The following LRP2 variants were observed in gnomAD, a reference collection of about 807,000 sequenced individuals.
LRP2 encodes low-density lipoprotein receptor-related protein 2.
Under a neutral mutation model 531.0 loss-of-function variants are expected in LRP2, and 172 were observed. The observed-to-expected ratio is 0.32, with a 90% confidence interval of 0.29 to 0.37. The LOEUF (loss-of-function observed/expected upper bound fraction) is 0.37, where lower values mean the gene tolerates loss of function less well. LRP2 is among the 10% of genes least tolerant of loss of function. The probability of loss-of-function intolerance (pLI) is 1.00; values close to 1 mark genes in which losing one functional copy is unlikely to be tolerated. For missense variants in LRP2, 5,167 were observed against 5,868.3 expected (o/e 0.88, Z 3.90); for synonymous variants, 1,992 against 2,027.6 (o/e 0.98, Z 0.47).
At chr2:169,134,306 G>T (rs577068615) in intron 76 of LRP2, among the ~76,000 whole-genome samples, 1 of 151,948 alleles carries the variant, frequency 6.6e-6, no homozygotes, top group Non-Finnish European at 1.5e-5. Flanking sequence ...CCCACCTGAC[G>T]CATATACTGT....
At chr2:169,348,445 A>T (rs911875653) in intron 1 of LRP2, among the ~76,000 whole-genome samples, 4 of 152,034 alleles carry the variant, frequency 2.6e-5, no homozygotes, top group African/African-American at 9.7e-5. Flanking sequence ...TCCTGACTTG[A>T]CATGTGATGT....
At chr2:169,326,108 T>C (rs1175169953) in intron 1 of LRP2, among the ~76,000 whole-genome samples, 1 of 140,314 alleles carries the variant, frequency 7.1e-6, no homozygotes, top group Non-Finnish European at 1.5e-5. Context: ...AAAAGAAAAA[T>C]AAGATATGGT....
At chr2:169,195,190 G>C (rs1247357852) in intron 46 of LRP2, among the ~76,000 whole-genome samples, 2 of 152,130 alleles carry the variant, frequency 1.3e-5, no homozygotes, top group African/African-American at 4.8e-5. Flanking sequence ...AAAATACATG[G>C]ACCATTCGCA....
chr2:169,342,410 C>G (rs1189835226), intron 1 of LRP2, among the ~76,000 whole-genome samples: 1 of 152,154 alleles, frequency 6.6e-6, no homozygotes, highest in Non-Finnish European at 1.5e-5. Context: ...TAGTTCTACC[C>G]TCATCATCTG....
chr2:169,353,076 C>G (rs912637493), intron 1 of LRP2, among the ~76,000 whole-genome samples: 1 of 151,994 alleles, frequency 6.6e-6, no homozygotes, highest in Non-Finnish European at 1.5e-5. Flanking sequence ...TTTTCATACC[C>G]CTGCTTTAGT....
In LRP2 at chr2:169,203,499, G is replaced by A. The variant is rs369402938; in HGVS notation, c.8005+483C>T. 3.0e-3 allele frequency among the ~76,000 whole-genome samples: 454 copies of A among 152,260 alleles called. 3 individuals carry two copies. Among genetic ancestry groups the A allele is most frequent in the African/African-American group, 1.0e-2 (414 of 41,552 alleles). Reference sequence around the variant, plus strand: ...TCATAGGCTGAGTGCTGTGGCTCACGCCTGTAATCCCAGCATTTTGGGAGG... The same window carrying A: ...TCATAGGCTGAGTGCTGTGGCTCACACCTGTAATCCCAGCATTTTGGGAGG... On this transcript the variant is annotated intron_variant, in intron 42 of 78. Transcript: ENST00000649046.
intron 16 of LRP2, among the ~76,000 whole-genome samples, chr2:169,266,192 G>T (rs1299293411): frequency 6.6e-6 from 1 of 151,910 alleles, no homozygotes; most frequent in East Asian, 1.9e-4. Flanking sequence ...GGGGAGGGAA[G>T]TCAGAAGCTG....
At chr2:169,208,542 C>T (rs1688478895) in intron 38 of LRP2, among the ~76,000 whole-genome samples, 1 of 152,120 alleles carries the variant, frequency 6.6e-6, no homozygotes, top group Admixed American at 6.5e-5. Context: ...CTGCAACCTC[C>T]ACCTCCCGGC....
At chr2:169,192,364 A>T (rs767017426) in intron 47 of LRP2, among the ~76,000 whole-genome samples, 8 of 152,158 alleles carry the variant, frequency 5.3e-5, no homozygotes, top group Non-Finnish European at 1.0e-4. Flanking sequence ...CGAATGCCTT[A>T]TATTTTGGTA....
intron 51 of LRP2, among the ~76,000 whole-genome samples, 163 bp downstream of exon 51, chr2:169,182,004 C>A (rs1275393781): frequency 6.6e-6 from 1 of 152,104 alleles, no homozygotes; most frequent in East Asian, 1.9e-4. Context: ...TTTGAAGAAG[C>A]CATGCTTCTA....
At chr2:169,196,007 C>G (rs1687990626) in intron 46 of LRP2, among the ~76,000 whole-genome samples, 1 of 152,160 alleles carries the variant, frequency 6.6e-6, no homozygotes, top group Non-Finnish European at 1.5e-5. Context: ...CAACCTAATG[C>G]TTAATAATAG....
intron 63 of LRP2, 79 bp from the exon 64 acceptor site, chr2:169,157,581 C>T (rs1052970406): frequency 7.1e-5 from 108 of 1,520,650 alleles, no homozygotes; most frequent in Middle Eastern, 4.2e-4. Context: ...GAAGCACCTA[C>T]TCGTAACCAA....
intron 53 of LRP2, among the ~76,000 whole-genome samples, chr2:169,177,044 T>A (rs1465853008): frequency 6.6e-6 from 1 of 152,230 alleles, no homozygotes; most frequent in African/African-American, 2.4e-5. Flanking sequence ...GTCACCACTT[T>A]GAGGTGAATA....
At chr2:169,164,381 G>A (rs1383728554) in intron 62 of LRP2, among the ~76,000 whole-genome samples, 6 of 152,228 alleles carry the variant, frequency 3.9e-5, no homozygotes, top group East Asian at 1.9e-4. Context: ...TTGGGAAGGG[G>A]TTAAGGGTGT....
intron 33 of LRP2, among the ~76,000 whole-genome samples, chr2:169,222,971 A>G (rs1414866263): frequency 6.6e-6 from 1 of 152,188 alleles, no homozygotes; most frequent in Non-Finnish European, 1.5e-5. Flanking sequence ...CACCGGCCTT[A>G]TCACACTTAT....
chr2:169,195,445 G>A (rs1239137781), intron 46 of LRP2, among the ~76,000 whole-genome samples: 1 of 151,884 alleles, frequency 6.6e-6, no homozygotes, highest in African/African-American at 2.4e-5. Context: ...GATTGGAGAA[G>A]GATGAAAAAA....
intron 38 of LRP2, among the ~76,000 whole-genome samples, chr2:169,208,472 T>A (rs1039453892): frequency 3.3e-5 from 5 of 152,194 alleles, no homozygotes; most frequent in African/African-American, 4.8e-5. Flanking sequence ...TTTTTTTTAA[T>A]TCGAGACAGA....
chr2:169,171,930 A>G, intron 58 of LRP2, 85 bp downstream of exon 58: 3 of 1,542,740 alleles, frequency 1.9e-6, no homozygotes, highest in Middle Eastern at 2.0e-4. Context: ...TTGAGGATCA[A>G]TGACATAGAC....
chr2:169,362,272 A>G, intron 1 of LRP2, 49 bp downstream of exon 1: 4 of 1,484,308 alleles, frequency 2.7e-6, no homozygotes, highest in Non-Finnish European at 3.7e-6. Flanking sequence ...CGACCCTGCC[A>G]CAGCCGGGGA....
Sources: allele counts gnomAD v4.1 joint callset (sites outside exome capture counted in the v4.1 genomes callset), GRCh38; gene constraint gnomAD v4.1.1; transcripts MANE v1.5; gene names NCBI Gene and HGNC (gene_info 2026-07-23, HGNC 2026-07-21).